UGT1A10: variants seen among roughly 807,000 people sequenced by gnomAD.
UGT1A10 encodes UDP-glucuronosyltransferase 1A10.
UGT1A10 carries 49 observed loss-of-function variants against 45.8 expected under a neutral mutation model. The observed-to-expected ratio is 1.07, with a 90% confidence interval of 0.85 to 1.36. The LOEUF is 1.36. Among genes scored for constraint, UGT1A10 ranks in the 40% most tolerant of loss-of-function variants. UGT1A10 has a pLI of 0.00. For synonymous variants in UGT1A10, 284 were observed against 249.7 expected (o/e 1.14, Z -1.29); for missense variants, 745 against 668.6 (o/e 1.11, Z -1.26).
At chr2:233,735,012 T>C (rs1234170278) in intron 1 of UGT1A10, among the ~76,000 whole-genome samples, 1 of 152,238 alleles carries the variant, frequency 6.6e-6, no homozygotes, top group Non-Finnish European at 1.5e-5. Flanking sequence ...TGGAGAGTTC[T>C]GTAGATGTCT....
intron 1 of UGT1A10, among the ~76,000 whole-genome samples, chr2:233,673,240 A>G (rs2074254877): frequency 6.6e-6 from 1 of 152,138 alleles, no homozygotes; most frequent in African/African-American, 2.4e-5. Flanking sequence ...GGCTGGACAT[A>G]TTCTTCTTTT....
intron 1 of UGT1A10, among the ~76,000 whole-genome samples, chr2:233,653,934 G>A (rs2073795848): frequency 6.6e-6 from 1 of 152,180 alleles, no homozygotes; most frequent in African/African-American, 2.4e-5. Context: ...ATGTACAAAA[G>A]GGACATCTCT....
Position 233,638,743 on chromosome 2 carries a change from T to C in UGT1A10, c.855+1366T>C, listed in dbSNP as rs553902235. On this transcript the variant is annotated intron_variant, in intron 1 of 4. Transcript: ENST00000344644. The stretch of plus-strand genomic sequence containing the variant: ...GATTCAGTAGACTTTGTAACACAGT[T>C]ATATCTGTCATTGGCAGATGGTTGG... Among the ~76,000 whole-genome samples, 16 of 152,314 alleles carry C rather than the reference T, an allele frequency of 1.1e-4. No homozygotes were observed. In the South Asian group the frequency reaches 3.1e-3, roughly 30 times the overall value.
chr2:233,672,265 G>A (rs377398548), intron 1 of UGT1A10: 5 of 1,613,982 alleles, frequency 3.1e-6, no homozygotes, highest in Non-Finnish European at 4.2e-6. Context: ...TCTATTAATG[G>A]GTTCATACAA....
At chr2:233,693,057 T>C (rs765274769) in intron 1 of UGT1A10, 1 of 1,614,190 alleles carries the variant, frequency 6.2e-7, no homozygotes, top group Non-Finnish European at 8.5e-7. Flanking sequence ...GTTTTCTTCT[T>C]AGCACTTTGG....
intron 1 of UGT1A10, among the ~76,000 whole-genome samples, chr2:233,642,978 T>C (rs2125465722): frequency 6.6e-6 from 1 of 152,322 alleles, no homozygotes; most frequent in African/African-American, 2.4e-5. Flanking sequence ...CCATCACCAC[T>C]ATGACTGTGC....
chr2:233,673,736 A>G (rs1459418827), intron 1 of UGT1A10, among the ~76,000 whole-genome samples: 4 of 152,176 alleles, frequency 2.6e-5, no homozygotes, highest in Non-Finnish European at 4.4e-5. Flanking sequence ...TTCCATTTCT[A>G]CATGTAACTG....
intron 1 of UGT1A10, among the ~76,000 whole-genome samples, chr2:233,757,461 C>T (rs181439880): frequency 5.8e-4 from 87 of 149,574 alleles, no homozygotes; most frequent in Non-Finnish European, 1.2e-3. Context: ...GTCCAGAGCG[C>T]TTACTGTCTC....
intron 1 of UGT1A10, chr2:233,692,199 G>A (rs2075084120): frequency 6.6e-6 from 1 of 152,394 alleles, no homozygotes; most frequent in African/African-American, 2.4e-5. Context: ...TGAAGGTGTG[G>A]AGGGTGGGGC....
intron 1 of UGT1A10, chr2:233,690,872 G>T (rs2075019519): frequency 3.8e-6 from 4 of 1,063,276 alleles, no homozygotes; most frequent in Non-Finnish European, 4.6e-6. Context: ...TTGCAAGAAG[G>T]TGTTAGGAAT....
chr2:233,690,797 ACAC>A, intron 1 of UGT1A10: 1 of 1,089,612 alleles, frequency 9.2e-7, no homozygotes, highest in Non-Finnish European at 1.1e-6. Flanking sequence ...ACACACACAC[ACAC>A]CATTCTTAGT....
intron 1 of UGT1A10, chr2:233,743,397 A>G (rs1186431371): frequency 1.6e-6 from 2 of 1,281,698 alleles, no homozygotes; most frequent in Non-Finnish European, 2.1e-6. Context: ...TGCAGAAGGA[A>G]GAAAGGCCCC....
intron 1 of UGT1A10, among the ~76,000 whole-genome samples, chr2:233,699,813 T>C (rs1466626716): frequency 1.3e-5 from 2 of 152,226 alleles, no homozygotes; most frequent in African/African-American, 4.8e-5. Flanking sequence ...GTCATCTAAA[T>C]AGTAGTTCTC....
chr2:233,641,955 G>C (rs1559321144), intron 1 of UGT1A10, among the ~76,000 whole-genome samples: 1 of 152,080 alleles, frequency 6.6e-6, no homozygotes, highest in Non-Finnish European at 1.5e-5. Flanking sequence ...TGACCTTTGG[G>C]AGTTTGATTA....
chr2:233,660,657 A>G (rs540940545), intron 1 of UGT1A10, among the ~76,000 whole-genome samples: 2 of 152,326 alleles, frequency 1.3e-5, no homozygotes, highest in Non-Finnish European at 2.9e-5. Flanking sequence ...CTGTATTTGC[A>G]TAAGACGACA....
chr2:233,693,277 C>T, intron 1 of UGT1A10: 1 of 1,614,128 alleles, frequency 6.2e-7, no homozygotes, highest in Non-Finnish European at 8.5e-7. Flanking sequence ...AGAACCGTTA[C>T]CAATCATTTG....
In UGT1A10 at chr2:233,672,550, A is replaced by G. The variant is rs377261531; in HGVS notation, c.855+35173A>G. ...CTCAGATGCCATGACTTTCAAGGAG[A>G]GAGTACGGAACCACATCATGCACTT... On this transcript the variant is annotated intron_variant, in intron 1 of 4. Transcript: ENST00000344644. 1.9e-6 allele frequency: 3 copies of G among 1,613,846 alleles called. No homozygotes were observed. In the African/African-American group the frequency reaches 4.0e-5, roughly 22 times the overall value.
At chr2:233,729,203 C>T in intron 1 of UGT1A10, 1 of 1,614,022 alleles carries the variant, frequency 6.2e-7, no homozygotes, top group Non-Finnish European at 8.5e-7. Flanking sequence ...CAGCCCTGGG[C>T]TGAGAGTGGA....
intron 1 of UGT1A10, among the ~76,000 whole-genome samples, chr2:233,724,182 C>A (rs1411199563): frequency 3.3e-5 from 4 of 119,646 alleles, no homozygotes; most frequent in African/African-American, 7.6e-5. Flanking sequence ...ATCTCCCTCC[C>A]GGACGGGGTG....
Sources: allele counts gnomAD v4.1 joint callset (sites outside exome capture counted in the v4.1 genomes callset), GRCh38; gene constraint gnomAD v4.1.1; transcripts MANE v1.5; gene names NCBI Gene and HGNC (gene_info 2026-07-23, HGNC 2026-07-21).